The following CA10 variants were observed in gnomAD, a reference collection of about 807,000 sequenced individuals.
CA10 encodes the protein carbonic anhydrase-related protein 10.
A neutral mutation model predicts 44.2 loss-of-function variants in CA10; 14 were observed. That is an observed-to-expected ratio of 0.32 (90% CI 0.21 to 0.50). The LOEUF (loss-of-function observed/expected upper bound fraction) is 0.50, where lower values mean the gene tolerates loss of function less well. CA10 is among the 20% of genes least tolerant of loss of function. The pLI, the probability that CA10 is intolerant of heterozygous loss-of-function variation, is 0.99. For synonymous variants in CA10, 159 were observed against 141.6 expected, an observed-to-expected ratio of 1.12 and a Z score of -0.87; for missense variants, 350 against 409.7, an observed-to-expected ratio of 0.85 and a Z score of 1.26.
At chr17:52,033,064 G>A (rs994365756) in intron 2 of CA10, among the ~76,000 whole-genome samples, 21 of 152,290 alleles carry the variant, frequency 1.4e-4, no homozygotes, top group African/African-American at 4.8e-4. Context: ...ACATGGATTT[G>A]GAGGAAGGTG....
chr17:51,866,716 G>A (rs1361448439), intron 3 of CA10, among the ~76,000 whole-genome samples: 1 of 152,154 alleles, frequency 6.6e-6, no homozygotes, highest in African/African-American at 2.4e-5. Context: ...CTTTTAGGGT[G>A]GTTGGCTAGT....
At chr17:51,648,294 C>T (rs981973094) in intron 6 of CA10, among the ~76,000 whole-genome samples, 23 of 152,162 alleles carry the variant, frequency 1.5e-4, no homozygotes, top group Non-Finnish European at 2.5e-4. Context: ...CTGTTTTTCA[C>T]TTTTGTGAGA....
chr17:52,108,779 A>T (rs1206143094), intron 1 of CA10, among the ~76,000 whole-genome samples: 1 of 151,500 alleles, frequency 6.6e-6, no homozygotes, highest in Non-Finnish European at 1.5e-5. Flanking sequence ...GGAGGGCGCA[A>T]GGGATAAAAG....
At chr17:51,983,366 A>G (rs1009674609) in intron 2 of CA10, among the ~76,000 whole-genome samples, 16 of 151,834 alleles carry the variant, frequency 1.1e-4, no homozygotes, top group Non-Finnish European at 2.4e-4. Context: ...TCTCTCTCAC[A>G]TAAGGCTTTC....
At chr17:52,105,021 C>G (rs1371922858) in intron 1 of CA10, among the ~76,000 whole-genome samples, 1 of 152,150 alleles carries the variant, frequency 6.6e-6, no homozygotes, top group Non-Finnish European at 1.5e-5. Context: ...AGTCTAGACG[C>G]TCAGCTTCCA....
At chr17:51,809,801 G>A (rs1907284948) in intron 3 of CA10, among the ~76,000 whole-genome samples, 1 of 152,230 alleles carries the variant, frequency 6.6e-6, no homozygotes, top group South Asian at 2.1e-4. Context: ...GATGTGCTGG[G>A]TTGAGGTTGG....
upstream of CA10, chr17:52,159,133 G>A (rs985014353): frequency 1.3e-5 from 2 of 152,336 alleles, no homozygotes; most frequent in Non-Finnish European, 2.9e-5. Context: ...CTCATCCTGG[G>A]AGTGCTGTGC....
intron 1 of CA10, among the ~76,000 whole-genome samples, chr17:52,145,734 G>T (rs1472028452): frequency 6.6e-6 from 1 of 152,158 alleles, no homozygotes; most frequent in South Asian, 2.1e-4. Flanking sequence ...AAGGATGTTT[G>T]AAAGATTAGT....
At chr17:52,152,902 C>T (rs1989732708) in intron 1 of CA10, among the ~76,000 whole-genome samples, 2 of 151,984 alleles carry the variant, frequency 1.3e-5, no homozygotes, top group Admixed American at 1.3e-4. Context: ...AAGAAAACTG[C>T]CCAAATTTAT....
intron 1 of CA10, among the ~76,000 whole-genome samples, chr17:52,081,660 C>T (rs1163108344): frequency 6.6e-6 from 1 of 151,888 alleles, no homozygotes; most frequent in African/African-American, 2.4e-5. Context: ...ATTAGCCGGG[C>T]GTAGTGGTGG....
At chr17:51,776,242 C>T (rs1350939230) in intron 3 of CA10, among the ~76,000 whole-genome samples, 6 of 151,972 alleles carry the variant, frequency 3.9e-5, no homozygotes, top group South Asian at 2.1e-4. Context: ...ATGAGCCTGA[C>T]CTGGTGTGAG....
intron 5 of CA10, among the ~76,000 whole-genome samples, chr17:51,650,637 A>G (rs1305514385): frequency 2.6e-5 from 4 of 152,192 alleles, no homozygotes; most frequent in South Asian, 2.1e-4. Flanking sequence ...CATCCTCTTC[A>G]GCCATTTAAA....
chr17:51,748,642 G>T (rs1904791532), intron 3 of CA10: 1 of 200,800 alleles, frequency 5.0e-6, no homozygotes, highest in African/African-American at 2.4e-5. Context: ...AGGATCTAGA[G>T]CTTAGGGAGA....
chr17:52,081,754 C>T (rs1252799451), intron 1 of CA10, among the ~76,000 whole-genome samples: 2 of 148,720 alleles, frequency 1.3e-5, no homozygotes, highest in Admixed American at 1.4e-4. Flanking sequence ...GAGCCGAGAT[C>T]CCGCCACTGC....
chr17:51,913,322 G>A (rs972935636), intron 3 of CA10, among the ~76,000 whole-genome samples: 1 of 152,168 alleles, frequency 6.6e-6, no homozygotes, highest in Non-Finnish European at 1.5e-5. Context: ...TTGAAGAACT[G>A]AAGGCAGGGT....
intron 2 of CA10, among the ~76,000 whole-genome samples, chr17:52,063,518 C>A (rs1987449164): frequency 6.6e-6 from 1 of 152,116 alleles, no homozygotes; most frequent in South Asian, 2.1e-4. Flanking sequence ...GAGGCAGATC[C>A]CTTATGAATG....
intron 2 of CA10, among the ~76,000 whole-genome samples, chr17:52,022,700 T>C (rs1184526506): frequency 6.6e-6 from 1 of 152,088 alleles, no homozygotes; most frequent in Admixed American, 6.6e-5. Flanking sequence ...ATTTTATATC[T>C]AGACAACCCT....
At chr17:51,738,277 T>C (rs953707936) in intron 4 of CA10, among the ~76,000 whole-genome samples, 2 of 152,182 alleles carry the variant, frequency 1.3e-5, no homozygotes, top group African/African-American at 4.8e-5. Flanking sequence ...TGGTTTTAAA[T>C]GGCCTTATTT....
intron 2 of CA10, among the ~76,000 whole-genome samples, chr17:51,974,507 A>G (rs1289821473): frequency 6.6e-6 from 1 of 152,002 alleles, no homozygotes; most frequent in Non-Finnish European, 1.5e-5. Flanking sequence ...AAAACAAAAC[A>G]AAAAACTGTA....
Sources: gnomAD v4.1 joint callset for allele counts (sites outside exome capture counted in the v4.1 genomes callset) on GRCh38, gnomAD v4.1.1 for gene constraint, MANE v1.5 for transcripts, NCBI Gene and HGNC (gene_info 2026-07-23, HGNC 2026-07-21) for gene names.